Variants in ZNF521 observed in about 807,000 individuals in gnomAD.
The protein encoded by ZNF521 is LYST-interacting protein 3.
ZNF521 carries 14 observed loss-of-function variants against 105.5 expected under a neutral mutation model. The ratio of observed to expected loss-of-function variants is 0.13; its 90% CI spans 0.09 to 0.21. The LOEUF (loss-of-function observed/expected upper bound fraction) is 0.21. ZNF521 is among the 10% of genes least tolerant of loss of function. The probability of loss-of-function intolerance (pLI) is 1.00; values close to 1 mark genes in which losing one functional copy is unlikely to be tolerated. For missense variants in ZNF521, 1,233 were observed against 1,629.7 expected, an observed-to-expected ratio of 0.76 and a Z score of 4.19; for synonymous variants, 635 against 606.0, an observed-to-expected ratio of 1.05 and a Z score of -0.70.
chr18:25,351,037 C>A (rs182236706), intron 1 of ZNF521, 90 bp from the exon 2 acceptor site: 3 of 1,094,474 alleles, frequency 2.7e-6, no homozygotes, highest in African/African-American at 1.7e-5. Context: ...CGCGGCGCCT[C>A]GCGCCCTCCG....
intron 3 of ZNF521, among the ~76,000 whole-genome samples, chr18:25,287,727 G>A (rs1198674242): frequency 6.6e-6 from 1 of 151,836 alleles, no homozygotes; most frequent in Non-Finnish European, 1.5e-5. Context: ...TTTCACTACT[G>A]TAAAAACAAA....
At chr18:25,149,917 C>A (rs533037001) in intron 5 of ZNF521, among the ~76,000 whole-genome samples, 2 of 152,126 alleles carry the variant, frequency 1.3e-5, no homozygotes, top group Non-Finnish European at 2.9e-5. Flanking sequence ...TGAGAACCAC[C>A]CCTCTACAGA....
chr18:25,217,349 C>G (rs1344965946), intron 4 of ZNF521, among the ~76,000 whole-genome samples: 1 of 151,992 alleles, frequency 6.6e-6, no homozygotes, highest in Non-Finnish European at 1.5e-5. Flanking sequence ...TTTGAAGATA[C>G]TTATTGGAGG....
intron 3 of ZNF521, among the ~76,000 whole-genome samples, chr18:25,306,980 C>T (rs1215141045): frequency 6.6e-6 from 1 of 152,092 alleles, no homozygotes; most frequent in Non-Finnish European, 1.5e-5. Context: ...AAAAAGGGAA[C>T]CCACCATTCT....
Position 25,224,633 on chromosome 18 carries a change from G to A in ZNF521, c.3285C>T (p.Gly1095=). Residue 1095 remains glycine (G), a synonymous_variant, in exon 4 of 8, where the codon GGC becomes GGT. Coordinates refer to ENST00000361524, the MANE Select transcript of ZNF521 (RefSeq NM_015461.3). The part of the protein sequence containing the change: ...INGLPYGLCA[G]CVNLSKSASP... ...TGGCGCTCTTACTGAGATTCACGCA[G>A]CCGGCACACAGACCATATGGCAGGC... 6.2e-7 allele frequency: 1 copy of A among 1,614,138 alleles called. No individual in the cohort carries two copies.
At chr18:25,199,363 T>TG (rs1278445545) in intron 4 of ZNF521, among the ~76,000 whole-genome samples, 2 of 150,604 alleles carry the variant, frequency 1.3e-5, no homozygotes, top group African/African-American at 4.9e-5. Context: ...GATCCTGATT[T>TG]GGGGGGAGGG....
chr18:25,284,045 G>A (rs1910544677), intron 3 of ZNF521, among the ~76,000 whole-genome samples: 1 of 151,916 alleles, frequency 6.6e-6, no homozygotes, highest in Admixed American at 6.6e-5. Context: ...TGGACTCAAA[G>A]GTAGTGTTCA....
chr18:25,108,511 G>A (rs933684788), intron 5 of ZNF521, among the ~76,000 whole-genome samples: 2 of 151,786 alleles, frequency 1.3e-5, no homozygotes, highest in African/African-American at 2.4e-5. Context: ...AATAGATATT[G>A]GAATTCATAG....
At chr18:25,290,005 C>CA (rs111722648) in intron 3 of ZNF521, among the ~76,000 whole-genome samples, 31 of 150,888 alleles carry the variant, frequency 2.1e-4, no homozygotes, top group Middle Eastern at 3.4e-3. Flanking sequence ...AAATACAGTG[C>CA]AAAAAAAAGA....
intron 5 of ZNF521, among the ~76,000 whole-genome samples, chr18:25,132,303 C>G (rs1226908692): frequency 6.6e-6 from 1 of 152,164 alleles, no homozygotes; most frequent in Non-Finnish European, 1.5e-5. Context: ...TAACTTCTAA[C>G]TTTTTCCATT....
intron 4 of ZNF521, among the ~76,000 whole-genome samples, chr18:25,196,179 C>T (rs2035899196): frequency 6.6e-6 from 1 of 151,636 alleles, no homozygotes; most frequent in Admixed American, 6.6e-5. Context: ...AATTAAAAAC[C>T]ATGTTGGAAG....
chr18:25,283,563 A>G (rs1212276745), intron 3 of ZNF521, among the ~76,000 whole-genome samples: 1 of 152,234 alleles, frequency 6.6e-6, no homozygotes, highest in East Asian at 1.9e-4. Context: ...GTCTGCATTA[A>G]GTATAATTAA....
chr18:25,261,465 C>T (rs754313452), intron 3 of ZNF521, among the ~76,000 whole-genome samples: 1 of 152,108 alleles, frequency 6.6e-6, no homozygotes, highest in Non-Finnish European at 1.5e-5. Context: ...TTTGTCTACT[C>T]GGTGAATGAG....
chr18:25,327,949 A>G (rs1409975468), intron 2 of ZNF521, among the ~76,000 whole-genome samples: 1 of 152,182 alleles, frequency 6.6e-6, no homozygotes, highest in Non-Finnish European at 1.5e-5. Flanking sequence ...GCCTCAACTT[A>G]GCAGGATTAT....
intron 5 of ZNF521, among the ~76,000 whole-genome samples, chr18:25,143,096 C>T (rs985354511): frequency 6.6e-6 from 1 of 152,118 alleles, no homozygotes; most frequent in African/African-American, 2.4e-5. Context: ...TGATGCTCCG[C>T]AAAACTTTGA....
chr18:25,176,787 A>T (rs2035542281), intron 5 of ZNF521, among the ~76,000 whole-genome samples: 1 of 152,238 alleles, frequency 6.6e-6, no homozygotes, highest in Non-Finnish European at 1.5e-5. Context: ...CTTTCCTTAC[A>T]GAATAAATGA....
intron 2 of ZNF521, chr18:25,327,505 TC>T: frequency 2.2e-6 from 2 of 907,434 alleles, no homozygotes; most frequent in Non-Finnish European, 2.9e-6. Context: ...AAAGCACTCC[TC>T]CCCTACAAGT....
At chr18:25,344,085 C>A (rs1358480571) in intron 2 of ZNF521, among the ~76,000 whole-genome samples, 1 of 151,784 alleles carries the variant, frequency 6.6e-6, no homozygotes, top group East Asian at 1.9e-4. Context: ...TTAAAGAATT[C>A]ATATCTTACT....
chr18:25,197,467 T>G (rs1002691223), intron 4 of ZNF521, among the ~76,000 whole-genome samples: 3 of 151,880 alleles, frequency 2.0e-5, no homozygotes, highest in Admixed American at 6.6e-5. Flanking sequence ...ACGTTGATGT[T>G]AAATGACCTT....
Sources: allele counts gnomAD v4.1 joint callset (sites outside exome capture counted in the v4.1 genomes callset), GRCh38; gene constraint gnomAD v4.1.1; transcripts MANE v1.5; gene names NCBI Gene and HGNC (gene_info 2026-07-23, HGNC 2026-07-21).